LRP1B: variants seen among roughly 807,000 people sequenced by gnomAD.
The protein encoded by LRP1B is LDL receptor related protein 1B, also known as low-density lipoprotein receptor-related protein 1B.
LRP1B carries 217 observed loss-of-function variants against 556.6 expected under a neutral mutation model. The ratio of observed to expected loss-of-function variants is 0.39; its 90% confidence interval spans 0.35 to 0.44. The LOEUF is 0.44. Among genes scored for constraint, LRP1B ranks in the 20% least tolerant of loss-of-function variants. The pLI is 1.00. For missense variants in LRP1B, 5,053 were observed against 5,620.8 expected, an observed-to-expected ratio of 0.90 and a Z score of 3.23; for synonymous variants, 2,047 against 1,865.8, an observed-to-expected ratio of 1.10 and a Z score of -2.50.
chr2:141,664,189 C>T (rs935590518), intron 2 of LRP1B, among the ~76,000 whole-genome samples: 2 of 152,088 alleles, frequency 1.3e-5, no homozygotes, highest in Admixed American at 1.3e-4. Flanking sequence ...AATTCAATGT[C>T]CCTTCATGTT....
At chr2:142,019,165 A>G (rs1001899053) in intron 1 of LRP1B, among the ~76,000 whole-genome samples, 1 of 152,356 alleles carries the variant, frequency 6.6e-6, no homozygotes, top group African/African-American at 2.4e-5. Flanking sequence ...AAATCTTTTA[A>G]CTGGTGCTAA....
chr2:141,182,518 T>C (rs1681050587), intron 7 of LRP1B, among the ~76,000 whole-genome samples: 1 of 151,946 alleles, frequency 6.6e-6, no homozygotes. Context: ...AATACACTTT[T>C]ACCAATTCAT....
chr2:141,946,817 G>T (rs934586917), intron 1 of LRP1B, among the ~76,000 whole-genome samples: 9 of 152,042 alleles, frequency 5.9e-5, no homozygotes, highest in Non-Finnish European at 4.4e-5. Context: ...GCCTAAAATA[G>T]ATTTTTTAAA....
chr2:141,272,416 T>C (rs918727874), intron 3 of LRP1B, among the ~76,000 whole-genome samples: 1 of 151,922 alleles, frequency 6.6e-6, no homozygotes, highest in Non-Finnish European at 1.5e-5. Flanking sequence ...AATCCAAAAA[T>C]GACATGTGAT....
At chr2:141,761,003 ATTATT>A (rs1694524731) in intron 2 of LRP1B, among the ~76,000 whole-genome samples, 1 of 152,108 alleles carries the variant, frequency 6.6e-6, no homozygotes, top group Non-Finnish European at 1.5e-5. Context: ...CTGTTCTTTT[ATTATT>A]TTATTTACGG....
chr2:141,445,299 C>T (rs1681145160), intron 3 of LRP1B, among the ~76,000 whole-genome samples: 1 of 151,940 alleles, frequency 6.6e-6, no homozygotes, highest in African/African-American at 2.4e-5. Context: ...TTTATTGTGT[C>T]TATTTGATTC....
chr2:141,746,108 T>A (rs942874693), intron 2 of LRP1B, among the ~76,000 whole-genome samples: 2 of 151,874 alleles, frequency 1.3e-5, no homozygotes, highest in Non-Finnish European at 2.9e-5. Flanking sequence ...TTCCCTGGGG[T>A]TGGGGAAGGG....
chr2:141,915,569 C>A (rs552212897), intron 1 of LRP1B, among the ~76,000 whole-genome samples: 48 of 151,918 alleles, frequency 3.2e-4, no homozygotes, highest in African/African-American at 1.1e-3. Flanking sequence ...GCAACAAAAA[C>A]AAAAATTTAC....
chr2:140,485,434 C>G lies in LRP1B; in HGVS notation c.9334G>C (p.Glu3112Gln), dbSNP rs1257819931. 3 of 1,613,884 alleles carry G rather than the reference C, an allele frequency of 1.9e-6. No homozygotes were observed. The highest frequency in any genetic ancestry group is 2.5e-6 in the Non-Finnish European group (3 of 1,179,842). Residue 3112 changes from glutamate to glutamine, a missense_variant, in exon 59 of 91, where the codon GAA (glutamate) becomes CAA (glutamine). By Grantham distance (29) the Glu-to-Gln change is conservative (BLOSUM62 2). This residue lies in a region of LRP1B where 3,619 missense variants were observed against 3,931.9 expected (regional missense o/e 0.92). Coordinates refer to ENST00000389484, the MANE Select transcript of LRP1B (RefSeq NM_018557.3). Reference protein sequence around the residue: ...YWSDTEKRIIEVSKLNGLYPT... With the variant: ...YWSDTEKRIIQVSKLNGLYPT... ...TACAAGCCATTGAGTTTGGATACTT[C>G]AATGATTCTTTTTTCTGTGTCAGAC...
chr2:141,482,022 C>T (rs1410831923), intron 2 of LRP1B, among the ~76,000 whole-genome samples: 1 of 151,958 alleles, frequency 6.6e-6, no homozygotes, highest in Admixed American at 6.6e-5. Flanking sequence ...TTTACCTTCC[C>T]TACTTAGTTG....
intron 3 of LRP1B, among the ~76,000 whole-genome samples, chr2:141,313,930 C>A (rs1444501440): frequency 6.6e-6 from 1 of 151,364 alleles, no homozygotes; most frequent in African/African-American, 2.4e-5. Flanking sequence ...TATTGTCTCT[C>A]CAATTCTTTA....
At chr2:140,866,921 T>C (rs1034690653) in intron 27 of LRP1B, among the ~76,000 whole-genome samples, 2 of 152,076 alleles carry the variant, frequency 1.3e-5, no homozygotes, top group Non-Finnish European at 2.9e-5. Context: ...GAGCTTGTCA[T>C]CTAAGAATCA....
At chr2:141,328,923 A>G (rs1687529603) in intron 3 of LRP1B, among the ~76,000 whole-genome samples, 1 of 152,164 alleles carries the variant, frequency 6.6e-6, no homozygotes, top group South Asian at 2.1e-4. Context: ...TATCTCCATT[A>G]CATATTAACT....
chr2:140,712,692 C>T (rs1281386939), intron 37 of LRP1B, among the ~76,000 whole-genome samples: 1 of 152,066 alleles, frequency 6.6e-6, no homozygotes. Flanking sequence ...TCTGTATATG[C>T]TAGCTCCACT....
chr2:141,465,542 A>ATTTTTT (rs1682154636), intron 3 of LRP1B, among the ~76,000 whole-genome samples: 1 of 40,990 alleles, frequency 2.4e-5, no homozygotes, highest in African/African-American at 5.0e-5. Flanking sequence ...GCACAGCATG[A>ATTTTTT]CTTTTTTTTT....
At chr2:140,772,165 C>G (rs1689335101) in intron 33 of LRP1B, among the ~76,000 whole-genome samples, 1 of 152,028 alleles carries the variant, frequency 6.6e-6, no homozygotes, top group African/African-American at 2.4e-5. Flanking sequence ...TTACATTTAT[C>G]CTATATAAAC....
chr2:142,045,603 C>T (rs1222111715), intron 1 of LRP1B, among the ~76,000 whole-genome samples: 2 of 151,812 alleles, frequency 1.3e-5, no homozygotes, highest in African/African-American at 4.8e-5. Flanking sequence ...TTACATATTA[C>T]TTATTTTGCA....
chr2:140,310,414 CAAA>C (rs10670842), intron 83 of LRP1B, among the ~76,000 whole-genome samples: 4 of 124,846 alleles, frequency 3.2e-5, no homozygotes, highest in Admixed American at 8.4e-5. Flanking sequence ...CATACGGAAC[CAAA>C]AAAAAAAAAA....
At chr2:141,461,535 C>T (rs1309549832) in intron 3 of LRP1B, among the ~76,000 whole-genome samples, 1 of 152,090 alleles carries the variant, frequency 6.6e-6, no homozygotes, top group African/African-American at 2.4e-5. Flanking sequence ...GGTATCTATA[C>T]AATAATGAGA....
Sources: allele counts gnomAD v4.1 joint callset (sites outside exome capture counted in the v4.1 genomes callset), GRCh38; gene constraint gnomAD v4.1.1; regional missense constraint gnomAD v4.1.1; transcripts MANE v1.5; gene names NCBI Gene and HGNC (gene_info 2026-07-23, HGNC 2026-07-21).